Variants in SESTD1 observed in about 807,000 individuals in gnomAD.
SESTD1 encodes SEC14 domain and spectrin repeat-containing protein 1.
SESTD1 carries 43 observed loss-of-function variants against 101.7 expected under a neutral mutation model. The ratio of observed to expected loss-of-function variants is 0.42; its 90% CI spans 0.33 to 0.55. The LOEUF is 0.55. SESTD1 is among the 20% of genes least tolerant of loss of function. The pLI is 0.07. For synonymous variants in SESTD1, 283 were observed against 286.8 expected, an observed-to-expected ratio of 0.99 and a Z score of 0.13; for missense variants, 647 against 815.1, an observed-to-expected ratio of 0.79 and a Z score of 2.51.
At chr2:179,264,476 G>A (rs1449703659) in intron 1 of SESTD1, 23 bp downstream of exon 1, 3 of 150,656 alleles carry the variant, frequency 2.0e-5, no homozygotes, top group African/African-American at 7.3e-5. Flanking sequence ...CTCCCGCCCG[G>A]GCCGAGCGGC....
intron 1 of SESTD1, among the ~76,000 whole-genome samples, chr2:179,257,726 C>T (rs952324794): frequency 8.5e-5 from 13 of 152,094 alleles, no homozygotes; most frequent in Admixed American, 5.9e-4. Flanking sequence ...AATATAAAAA[C>T]CTATTTACGG....
At chr2:179,133,044 T>C (rs1276486653) in intron 9 of SESTD1, among the ~76,000 whole-genome samples, 1 of 152,160 alleles carries the variant, frequency 6.6e-6, no homozygotes, top group Non-Finnish European at 1.5e-5. Flanking sequence ...TCTTGGACTC[T>C]TCTTAGGATC....
chr2:179,108,332 C>T lies in SESTD1; in HGVS notation c.*1567G>A, dbSNP rs1233853302. On this transcript the variant is annotated 3_prime_UTR_variant, in exon 18 of 18. Coordinates refer to ENST00000428443, the MANE Select transcript of SESTD1 (RefSeq NM_178123.5). The stretch of plus-strand genomic sequence containing the variant: ...GATAGCATCTTCAAGGAAGGAGACA[C>T]TGTCTAGGAAAGGTTGCTCAATGGT... The T allele has an allele frequency of 1.3e-5, 2 of 152,182 alleles. No individual in the cohort carries two copies. The highest frequency in any genetic ancestry group is 2.4e-5 in the African/African-American group (1 of 41,442). 9.4% of individuals were successfully genotyped at this position (152,182 alleles called of 1,614,324 possible).
intron 4 of SESTD1, among the ~76,000 whole-genome samples, chr2:179,175,221 T>C (rs936782767): frequency 1.3e-5 from 2 of 152,142 alleles, no homozygotes; most frequent in Non-Finnish European, 1.5e-5. Context: ...TATAGCAAGC[T>C]TAGCACAGTA....
chr2:179,191,968 C>A, intron 1 of SESTD1, 102 bp from the exon 2 acceptor site: 1 of 779,716 alleles, frequency 1.3e-6, no homozygotes, highest in Non-Finnish European at 2.1e-6. Flanking sequence ...CTGAGAACTA[C>A]TGACATTTTG....
At chr2:179,184,098 G>A (rs1423702813) in intron 2 of SESTD1, among the ~76,000 whole-genome samples, 5 of 152,066 alleles carry the variant, frequency 3.3e-5, no homozygotes, top group African/African-American at 1.2e-4. Flanking sequence ...CTGAAATCCC[G>A]GTAGTAGAAT....
chr2:179,150,331 GTTCT>G (rs1193039006), intron 6 of SESTD1, among the ~76,000 whole-genome samples: 6 of 151,780 alleles, frequency 4.0e-5, no homozygotes, highest in African/African-American at 1.5e-4. Flanking sequence ...TCTGACGTTT[GTTCT>G]TTCAGTAGTT....
intron 5 of SESTD1, among the ~76,000 whole-genome samples, chr2:179,169,484 T>A (rs911161580): frequency 5.8e-4 from 89 of 152,200 alleles, no homozygotes; most frequent in African/African-American, 2.1e-3. Context: ...TAGTTCCACA[T>A]ATAACAGTTG....
chr2:179,141,502 A>T (rs975358930), intron 9 of SESTD1, among the ~76,000 whole-genome samples: 3 of 150,242 alleles, frequency 2.0e-5, no homozygotes, highest in African/African-American at 4.9e-5. Flanking sequence ...ATACTATTGT[A>T]GACATTTTTT....
intron 1 of SESTD1, among the ~76,000 whole-genome samples, chr2:179,199,935 C>A (rs2046478807): frequency 6.6e-6 from 1 of 151,970 alleles, no homozygotes; most frequent in African/African-American, 2.4e-5. Context: ...GGCAATTAGG[C>A]AGGAGAAGGA....
At position 179,209,194 on chromosome 2, in the gene SESTD1, C is replaced by T. The variant is rs1185075022; in HGVS notation, c.-25-17328G>A. Among the ~76,000 whole-genome samples the T allele has an allele frequency of 1.5e-5, 2 of 134,206 alleles. 1 individual carries two copies. Among genetic ancestry groups the T allele is most frequent in the African/African-American group, 5.9e-5 (2 of 33,850 alleles). 88.0% of individuals were successfully genotyped at this position (134,206 alleles called of 152,430 possible). ...TATCACCATCCTAAATATATATGCA[C>T]CTAACAGTGGTGCTCCCAAATTTAT... is the stretch of plus-strand genomic sequence containing the variant. On this transcript the variant is annotated intron_variant, in intron 1 of 17. Coordinates refer to ENST00000428443, the MANE Select transcript of SESTD1 (RefSeq NM_178123.5).
At chr2:179,224,688 T>C (rs2046859756) in intron 1 of SESTD1, among the ~76,000 whole-genome samples, 1 of 152,122 alleles carries the variant, frequency 6.6e-6, no homozygotes, top group Non-Finnish European at 1.5e-5. Context: ...TGATCACCAA[T>C]GGCCAATGAT....
intron 8 of SESTD1, 117 bp downstream of exon 8, chr2:179,146,285 T>G: frequency 1.1e-6 from 1 of 923,336 alleles, no homozygotes; most frequent in Non-Finnish European, 1.7e-6. Context: ...CCTCAAAAAT[T>G]TCCCCTTGAG....
chr2:179,205,599 T>G (rs144534061), intron 1 of SESTD1, among the ~76,000 whole-genome samples: 1 of 135,188 alleles, frequency 7.4e-6, no homozygotes, highest in East Asian at 2.0e-4. Context: ...ATCCAACCTT[T>G]CCTTTACACA....
chr2:179,128,555 C>T (rs1261325791), intron 10 of SESTD1, among the ~76,000 whole-genome samples: 1 of 151,846 alleles, frequency 6.6e-6, no homozygotes, highest in Non-Finnish European at 1.5e-5. Context: ...AGGGTGAAGC[C>T]CCGTCTCTAC....
chr2:179,171,701 T>A (rs1450616272), intron 5 of SESTD1, among the ~76,000 whole-genome samples: 1 of 152,154 alleles, frequency 6.6e-6, no homozygotes, highest in Non-Finnish European at 1.5e-5. Context: ...TAGGAAAGAA[T>A]GGATAACTGT....
At chr2:179,161,359 A>G (rs1009789999) in intron 5 of SESTD1, among the ~76,000 whole-genome samples, 20 of 152,218 alleles carry the variant, frequency 1.3e-4, no homozygotes, top group Non-Finnish European at 1.0e-4. Context: ...TCATTTATAA[A>G]GTTACCTTTC....
At chr2:179,250,159 G>C (rs1431193936) in intron 1 of SESTD1, among the ~76,000 whole-genome samples, 2 of 151,922 alleles carry the variant, frequency 1.3e-5, no homozygotes, top group Non-Finnish European at 2.9e-5. Flanking sequence ...ACATAGAGAA[G>C]GCTTGAAACC....
At position 179,103,980 on chromosome 2, in the gene SESTD1, T is replaced by C. The variant is rs372037184; in HGVS notation, c.*5919A>G. ...GAATGGATATGTGACAAAGCAAGCA[T>C]AGGTAATGCTAATTAGCATCTAGGT... On this transcript the variant is annotated 3_prime_UTR_variant, in exon 18 of 18. Coordinates refer to ENST00000428443, the MANE Select transcript of SESTD1 (RefSeq NM_178123.5). 3 of 152,172 alleles carry C rather than the reference T, an allele frequency of 2.0e-5. No homozygotes were observed. The highest frequency in any genetic ancestry group is 4.8e-5 in the African/African-American group (2 of 41,448). The allele number at this position is 152,172 out of a possible 1,614,324, so 9.4% of individuals were successfully genotyped here. A position where few individuals can be genotyped will look rare whatever the true frequency, so the allele number is the denominator to read the frequency against.
Sources: gnomAD v4.1 joint callset for allele counts (sites outside exome capture counted in the v4.1 genomes callset) on GRCh38, gnomAD v4.1.1 for gene constraint, MANE v1.5 for transcripts, NCBI Gene and HGNC (gene_info 2026-07-23, HGNC 2026-07-21) for gene names.